The following CSGALNACT1 variants were observed in gnomAD, a reference collection of about 807,000 sequenced individuals.
CSGALNACT1 encodes chondroitin sulfate N-acetylgalactosaminyltransferase 1, also known as beta4GalNAcT-1.
CSGALNACT1 carries 52 observed loss-of-function variants against 51.0 expected under a neutral mutation model. The ratio of observed to expected loss-of-function variants is 1.02; its 90% CI spans 0.82 to 1.29. The LOEUF (loss-of-function observed/expected upper bound fraction) is 1.29, where lower values mean the gene tolerates loss of function less well. Among genes scored for constraint, CSGALNACT1 ranks in the 50% most tolerant of loss-of-function variants. The pLI, the probability that CSGALNACT1 is intolerant of heterozygous loss-of-function variation, is 0.00. For missense variants in CSGALNACT1, 935 were observed against 679.2 expected (o/e 1.38, Z -4.19); for synonymous variants, 341 against 254.4 (o/e 1.34, Z -3.24).
intron 3 of CSGALNACT1, among the ~76,000 whole-genome samples, chr8:19,524,700 A>T (rs2081339873): frequency 6.6e-6 from 1 of 152,182 alleles, no homozygotes; most frequent in African/African-American, 2.4e-5. Context: ...ATCCCTATTA[A>T]AAGCCTCTAA....
chr8:19,600,297 G>C (rs1397200674), intron 2 of CSGALNACT1, among the ~76,000 whole-genome samples: 1 of 152,138 alleles, frequency 6.6e-6, no homozygotes, highest in African/African-American at 2.4e-5. Context: ...GGCCAGGCTG[G>C]TCTCGAACTC....
chr8:19,509,620 T>TTA (rs2078066805), intron 3 of CSGALNACT1, among the ~76,000 whole-genome samples: 1 of 42,148 alleles, frequency 2.4e-5, no homozygotes, highest in Non-Finnish European at 4.3e-5. Flanking sequence ...AGACTCTGTC[T>TTA]CAAAAAAAAA....
At chr8:19,588,961 A>C (rs1171015837) in intron 3 of CSGALNACT1, among the ~76,000 whole-genome samples, 2 of 152,058 alleles carry the variant, frequency 1.3e-5, no homozygotes, top group African/African-American at 4.8e-5. Flanking sequence ...GGGGGTGGGG[A>C]AGCATTCTGG....
At chr8:19,599,601 A>G in intron 2 of CSGALNACT1, among the ~76,000 whole-genome samples, 1 of 152,036 alleles carries the variant, frequency 6.6e-6, no homozygotes, top group East Asian at 1.9e-4. Context: ...GGAAGGAAAG[A>G]AGGAAAGAAA....
At chr8:19,489,535 AAC>A (rs1379786303) in intron 4 of CSGALNACT1, among the ~76,000 whole-genome samples, 1 of 152,178 alleles carries the variant, frequency 6.6e-6, no homozygotes, top group Non-Finnish European at 1.5e-5. Context: ...TCATTCAACA[AAC>A]ATTTAATCAA....
At chr8:19,661,121 G>A (rs2058713524) in intron 1 of CSGALNACT1, among the ~76,000 whole-genome samples, 1 of 150,976 alleles carries the variant, frequency 6.6e-6, no homozygotes, top group Admixed American at 6.6e-5. Flanking sequence ...TCACCATGTT[G>A]GCCAGGATGG....
At chr8:19,600,664 G>A (rs976656699) in intron 2 of CSGALNACT1, among the ~76,000 whole-genome samples, 5 of 152,030 alleles carry the variant, frequency 3.3e-5, no homozygotes, top group African/African-American at 7.2e-5. Flanking sequence ...TTAACTTTCA[G>A]CCAAGGTTTT....
intron 1 of CSGALNACT1, among the ~76,000 whole-genome samples, chr8:19,677,387 A>G (rs60443509): frequency 0.065 from 9,920 of 152,318 alleles, 405 homozygotes; most frequent in African/African-American, 0.12. Flanking sequence ...CTGGGATTAC[A>G]GGTGTGAGCC....
chr8:19,449,424 C>T (rs1293023182), intron 5 of CSGALNACT1, among the ~76,000 whole-genome samples: 5 of 152,124 alleles, frequency 3.3e-5, no homozygotes, highest in African/African-American at 4.8e-5. Context: ...TGTTGGGGAA[C>T]ACAAAGAAAC....
chr8:19,617,362 G>C (rs937951201), intron 1 of CSGALNACT1, among the ~76,000 whole-genome samples: 1 of 152,142 alleles, frequency 6.6e-6, no homozygotes, highest in African/African-American at 2.4e-5. Flanking sequence ...AGTGGTTGAG[G>C]ACTCCTGAAT....
chr8:19,637,997 G>C (rs2056298459), intron 1 of CSGALNACT1, among the ~76,000 whole-genome samples: 1 of 152,148 alleles, frequency 6.6e-6, no homozygotes, highest in African/African-American at 2.4e-5. Flanking sequence ...AGCAGCAGTG[G>C]GTCCACTGAG....
At chr8:19,691,822 C>G (rs371986249) in intron 1 of CSGALNACT1, among the ~76,000 whole-genome samples, 6 of 152,302 alleles carry the variant, frequency 3.9e-5, no homozygotes, top group South Asian at 4.1e-4. Flanking sequence ...CTGGCAGCAA[C>G]AGCATCATCT....
chr8:19,530,409 T>C (rs1257039111), intron 3 of CSGALNACT1, among the ~76,000 whole-genome samples: 1 of 152,160 alleles, frequency 6.6e-6, no homozygotes, highest in Non-Finnish European at 1.5e-5. Flanking sequence ...TTTTATAATA[T>C]CTATAACTCT....
chr8:19,571,327 C>G (rs1241216935), intron 3 of CSGALNACT1, among the ~76,000 whole-genome samples: 1 of 151,944 alleles, frequency 6.6e-6, no homozygotes, highest in African/African-American at 2.4e-5. Flanking sequence ...GGAGCTAGTC[C>G]CTACCTAAAC....
At chr8:19,411,833 C>CTTTT (rs35593808) in intron 8 of CSGALNACT1, among the ~76,000 whole-genome samples, 1 of 135,624 alleles carries the variant, frequency 7.4e-6, no homozygotes, top group African/African-American at 2.8e-5. Context: ...CACTATCCTC[C>CTTTT]TTTTTTTTTT....
chr8:19,590,239 T>G (rs1158776772), intron 3 of CSGALNACT1, among the ~76,000 whole-genome samples: 1 of 152,224 alleles, frequency 6.6e-6, no homozygotes, highest in Non-Finnish European at 1.5e-5. Flanking sequence ...GGATGATTAC[T>G]AAACTGCGCA....
chr8:19,511,600 T>C (rs1587575208), intron 3 of CSGALNACT1, among the ~76,000 whole-genome samples: 1 of 152,182 alleles, frequency 6.6e-6, no homozygotes, highest in South Asian at 2.1e-4. Flanking sequence ...GTAGGCAGGG[T>C]GTGATAGCCA....
At chr8:19,479,511 G>T (rs944977798) in intron 4 of CSGALNACT1, among the ~76,000 whole-genome samples, 1 of 151,980 alleles carries the variant, frequency 6.6e-6, no homozygotes, top group Non-Finnish European at 1.5e-5. Context: ...CTATTTAATG[G>T]TCCTCATTAG....
At chr8:19,421,479 C>T (rs1365840990) in intron 6 of CSGALNACT1, among the ~76,000 whole-genome samples, 5 of 152,190 alleles carry the variant, frequency 3.3e-5, no homozygotes, top group Non-Finnish European at 1.5e-5. Flanking sequence ...CTTCTTTCAG[C>T]CTAGCAAATC....
Sources: gnomAD v4.1 joint callset for allele counts (sites outside exome capture counted in the v4.1 genomes callset) on GRCh38, gnomAD v4.1.1 for gene constraint, MANE v1.5 for transcripts, NCBI Gene and HGNC (gene_info 2026-07-23, HGNC 2026-07-21) for gene names.